GALNT14: variants seen among roughly 807,000 people sequenced by gnomAD.
GALNT14 encodes the protein UDP-GalNAc:polypeptide N-acetylgalactosaminyltransferase 14.
A neutral mutation model predicts 77.5 loss-of-function variants in GALNT14; 60 were observed. The ratio of observed to expected loss-of-function variants is 0.77; its 90% CI spans 0.63 to 0.96. The LOEUF is 0.96. Among genes scored for constraint, GALNT14 ranks in the 40% least tolerant of loss-of-function variants. The pLI, the probability that GALNT14 is intolerant of heterozygous loss-of-function variation, is 0.00. For synonymous variants in GALNT14, 280 were observed against 281.7 expected (o/e 0.99, Z 0.06); for missense variants, 710 against 731.0 (o/e 0.97, Z 0.33).
intron 1 of GALNT14, among the ~76,000 whole-genome samples, chr2:31,092,181 TTTGC>T (rs1478864623): frequency 6.6e-6 from 1 of 152,104 alleles, no homozygotes; most frequent in Non-Finnish European, 1.5e-5. Context: ...GACTGGCTTC[TTTGC>T]TCCTCAGCTT....
chr2:30,937,459 C>T (rs1037330813), intron 9 of GALNT14, among the ~76,000 whole-genome samples: 2 of 152,200 alleles, frequency 1.3e-5, no homozygotes, highest in African/African-American at 4.8e-5. Flanking sequence ...AATCCACTTT[C>T]AAGCCCATTC....
intron 1 of GALNT14, among the ~76,000 whole-genome samples, chr2:31,059,500 G>A (rs1674450393): frequency 6.6e-6 from 1 of 152,162 alleles, no homozygotes; most frequent in Admixed American, 6.5e-5. Context: ...TGGGGCCTTA[G>A]GTCATGGGGG....
chr2:31,091,927 T>C (rs1289795527), intron 1 of GALNT14, among the ~76,000 whole-genome samples: 1 of 152,100 alleles, frequency 6.6e-6, no homozygotes, highest in Non-Finnish European at 1.5e-5. Context: ...CACCATCCAA[T>C]CAGCTGCCAG....
At chr2:30,903,646 G>GC in the GALNT14 span, among the ~76,000 whole-genome samples, 4 of 152,150 alleles carry the variant, frequency 2.6e-5, no homozygotes, top group African/African-American at 9.7e-5. Flanking sequence ...TGTGACCCTG[G>GC]CCAACGCTTT....
At chr2:30,981,450 T>G (rs2148377880) in intron 2 of GALNT14, among the ~76,000 whole-genome samples, 1 of 152,248 alleles carries the variant, frequency 6.6e-6, no homozygotes, top group African/African-American at 2.4e-5. Flanking sequence ...TTCAGATAAG[T>G]GAGAAGACAT....
downstream of GALNT14, among the ~76,000 whole-genome samples, chr2:30,907,725 T>C (rs1398072898): frequency 7.4e-5 from 11 of 149,090 alleles, no homozygotes; most frequent in Admixed American, 2.7e-4. Flanking sequence ...CCAGCATCAT[T>C]CTGATACCAA....
At chr2:31,003,273 T>C (rs1670475244) in intron 1 of GALNT14, among the ~76,000 whole-genome samples, 1 of 152,244 alleles carries the variant, frequency 6.6e-6, no homozygotes. Context: ...AATAGTTTGA[T>C]AGATAGAATG....
At chr2:31,108,061 T>A (rs1677644894) in intron 1 of GALNT14, among the ~76,000 whole-genome samples, 1 of 152,180 alleles carries the variant, frequency 6.6e-6, no homozygotes, top group Non-Finnish European at 1.5e-5. Flanking sequence ...TCTGGCTGGC[T>A]GCAAAAGTAG....
intron 1 of GALNT14, among the ~76,000 whole-genome samples, chr2:31,106,378 C>T (rs760753308): frequency 2.0e-5 from 3 of 152,094 alleles, no homozygotes; most frequent in Non-Finnish European, 4.4e-5. Flanking sequence ...CTATGTCAAT[C>T]ATTTTCTCTC....
intron 1 of GALNT14, among the ~76,000 whole-genome samples, chr2:31,132,119 G>A (rs538976482): frequency 1.7e-4 from 26 of 152,272 alleles, no homozygotes; most frequent in African/African-American, 6.3e-4. Context: ...GGACCTGGGG[G>A]AGAGAGTGGG....
chr2:31,013,177 T>C (rs1471335924), intron 1 of GALNT14, among the ~76,000 whole-genome samples: 1 of 152,148 alleles, frequency 6.6e-6, no homozygotes, highest in Non-Finnish European at 1.5e-5. Flanking sequence ...GAATAAAATG[T>C]ATAGAAAGAG....
chr2:31,071,508 T>C (rs566756098), intron 1 of GALNT14, among the ~76,000 whole-genome samples: 253 of 152,194 alleles, frequency 1.7e-3, no homozygotes, highest in Middle Eastern at 6.8e-3. Context: ...CCAGCCCCTT[T>C]CCCTGCCCAC....
chr2:31,061,215 G>C (rs1180320389), intron 1 of GALNT14, among the ~76,000 whole-genome samples: 1 of 152,012 alleles, frequency 6.6e-6, no homozygotes, highest in Admixed American at 6.6e-5. Context: ...CCATAACCAA[G>C]GTGCTCATTC....
At chr2:31,132,367 C>A (rs1389386443) in intron 1 of GALNT14, among the ~76,000 whole-genome samples, 2 of 152,190 alleles carry the variant, frequency 1.3e-5, no homozygotes, top group Non-Finnish European at 1.5e-5. Flanking sequence ...TACCTGGGAT[C>A]CCAACCTGCC....
chr2:30,913,597 C>T (rs1326676238), intron 13 of GALNT14, among the ~76,000 whole-genome samples: 1 of 152,180 alleles, frequency 6.6e-6, no homozygotes, highest in Non-Finnish European at 1.5e-5. Flanking sequence ...AGGCTCAGGA[C>T]CTTCTGCTGT....
rs532820048 is a variant in GALNT14 at position 31,130,391 on chromosome 2, G to A, written c.129+7567C>T. Among the ~76,000 whole-genome samples the A allele has an allele frequency of 3.3e-5, 5 of 152,332 alleles. No homozygotes were observed. In the South Asian group the frequency reaches 1.0e-3, roughly 32 times the overall value. On this transcript the variant is annotated intron_variant, in intron 1 of 14. Coordinates refer to ENST00000349752, the MANE Select transcript of GALNT14 (RefSeq NM_024572.4). ...GCTTCTACAGAGCAGAGGGCAGAGG[G>A]CCAGCCACCACTGGAGCCCTGGTCC... is the stretch of plus-strand genomic sequence containing the variant.
rs1044416555 is a variant in GALNT14, at chr2:31,078,167, C to T, written c.129+59791G>A. Among the ~76,000 whole-genome samples, 4 of 152,102 alleles carry T rather than the reference C, an allele frequency of 2.6e-5. 1 individual carries two copies. The East Asian group carries it at 7.7e-4, about 29-fold the overall frequency. Reference sequence around the variant, plus strand: ...GAAAGGAGCAGGCTGGAAAATAGCCCGGGACCAATTATGTTCATTAGTCAA... The same window carrying T: ...GAAAGGAGCAGGCTGGAAAATAGCCTGGGACCAATTATGTTCATTAGTCAA... On this transcript the variant is annotated intron_variant, in intron 1 of 14. Coordinates refer to ENST00000349752, the MANE Select transcript of GALNT14 (RefSeq NM_024572.4).
chr2:30,900,000 T>C, the GALNT14 span, among the ~76,000 whole-genome samples: 1 of 152,164 alleles, frequency 6.6e-6, no homozygotes, highest in Non-Finnish European at 1.5e-5. Context: ...AGAGAATGGA[T>C]GGATTAGGGC....
rs891316086 is a variant in GALNT14, at chr2:30,992,827, G to C, written c.299+11C>G. 2 of 1,611,664 alleles carry C rather than the reference G, an allele frequency of 1.2e-6. No homozygotes were observed. The highest frequency in any genetic ancestry group is 3.3e-5 in the Admixed American group (2 of 59,942). ...CTGCGGGGGTAACAGAGTGGGAGAA[G>C]GAGGAAGTACCTCAGATGGCGAGTG... On this transcript the variant is annotated intron_variant, in intron 2 of 14. Coordinates refer to ENST00000349752, the MANE Select transcript of GALNT14 (RefSeq NM_024572.4).
Sources: gnomAD v4.1 joint callset for allele counts (sites outside exome capture counted in the v4.1 genomes callset) on GRCh38, gnomAD v4.1.1 for gene constraint, MANE v1.5 for transcripts, NCBI Gene and HGNC (gene_info 2026-07-23, HGNC 2026-07-21) for gene names.